Variants in KLHL29 observed in about 807,000 individuals in gnomAD.
KLHL29 encodes kelch-like protein 29.
KLHL29 carries 21 observed loss-of-function variants against 80.4 expected under a neutral mutation model. The observed-to-expected ratio is 0.26, with a 90% CI of 0.19 to 0.38. The LOEUF is 0.38. KLHL29 is among the 10% of genes least tolerant of loss of function. The pLI is 1.00. For missense variants in KLHL29, 867 were observed against 1,223.9 expected (o/e 0.71, Z 4.35); for synonymous variants, 511 against 526.8 (o/e 0.97, Z 0.41).
Position 23,596,278 on chromosome 2 carries a change from TGTA to T in KLHL29, c.285+33800_285+33802del, listed in dbSNP as rs1437634767. 1.3e-5 allele frequency among the ~76,000 whole-genome samples: 2 copies of T among 152,090 alleles called. No homozygotes were observed. Among genetic ancestry groups the T allele is most frequent in the African/African-American group, 4.8e-5 (2 of 41,422 alleles). On this transcript the variant is annotated intron_variant, in intron 3 of 13. Transcript: ENST00000486442. This position sits in a 1 kb window ranked among gnomAD's most constrained non-coding sequence, Gnocchi z 4.4. Reference sequence around the variant, plus strand: ...CTTAGGGTTGTTGGCAGATTAAAAATGTAGTGGATTTAAATCATGCCCACCTCA... The same window carrying T: ...CTTAGGGTTGTTGGCAGATTAAAAATGTGGATTTAAATCATGCCCACCTCA...
intron 6 of KLHL29, among the ~76,000 whole-genome samples, chr2:23,688,597 A>AC (rs1399390935): frequency 6.6e-6 from 1 of 151,660 alleles, no homozygotes; most frequent in Non-Finnish European, 1.5e-5. Context: ...TCTCCTGGGC[A>AC]CCCCCACGCC....
At position 23,385,560 on chromosome 2, in the gene KLHL29, C is replaced by A; in HGVS notation, c.-374C>A. 5.8e-6 allele frequency: 1 copy of A among 171,356 alleles called. No individual in the cohort carries two copies. Among genetic ancestry groups the A allele is most frequent in the Non-Finnish European group, 1.4e-5 (1 of 71,468 alleles). The allele number at this position is 171,356 out of a possible 1,614,324, so 10.6% of individuals were successfully genotyped here. On this transcript the variant is annotated 5_prime_UTR_variant, in exon 1 of 14. Coordinates refer to ENST00000486442, the MANE Select transcript of KLHL29 (RefSeq NM_052920.2). The stretch of plus-strand genomic sequence containing the variant: ...TCTCCCGGGCATCCTCCCTGGGCTG[C>A]CGGGAGGCGGCGGCGGCGGAGGAGG...
At chr2:23,699,654 C>T (rs1672232290) in intron 11 of KLHL29, among the ~76,000 whole-genome samples, 1 of 152,226 alleles carries the variant, frequency 6.6e-6, no homozygotes, top group Non-Finnish European at 1.5e-5. Context: ...CTGCACCCCA[C>T]ATCAGCAGAT....
intron 3 of KLHL29, among the ~76,000 whole-genome samples, chr2:23,568,946 G>A (rs1667652382): frequency 1.3e-5 from 2 of 152,230 alleles, no homozygotes. Flanking sequence ...ACTGGCTAAT[G>A]AGGTTTAAAA....
intron 2 of KLHL29, among the ~76,000 whole-genome samples, chr2:23,500,475 C>T (rs1665407635): frequency 6.6e-6 from 1 of 152,176 alleles, no homozygotes; most frequent in African/African-American, 2.4e-5. Context: ...GAAGTCAAGA[C>T]CAATGTTAGG....
chr2:23,567,657 G>A (rs1667622751), intron 3 of KLHL29, among the ~76,000 whole-genome samples: 1 of 152,250 alleles, frequency 6.6e-6, no homozygotes, highest in Non-Finnish European at 1.5e-5. Context: ...CAGGGCCAAT[G>A]TGGCAGCCCC....
chr2:23,436,827 A>C (rs1663359072), intron 1 of KLHL29, among the ~76,000 whole-genome samples: 1 of 152,210 alleles, frequency 6.6e-6, no homozygotes, highest in Admixed American at 6.5e-5. Context: ...AATTAAAGAG[A>C]TGCCTTAGAC....
chr2:23,652,950 C>T (rs138461368), intron 5 of KLHL29, among the ~76,000 whole-genome samples: 187 of 152,190 alleles, frequency 1.2e-3, no homozygotes, highest in Admixed American at 3.7e-3. Flanking sequence ...TGGGAGCAAG[C>T]GAACTTTCTG....
At chr2:23,615,299 C>CA (rs1438068398) in intron 3 of KLHL29, among the ~76,000 whole-genome samples, 3 of 152,222 alleles carry the variant, frequency 2.0e-5, no homozygotes, top group Non-Finnish European at 4.4e-5. Context: ...GCCTCACTCT[C>CA]ACGTCCATTT....
At chr2:23,597,020 T>G (rs1668422986) in intron 3 of KLHL29, among the ~76,000 whole-genome samples, 1 of 152,140 alleles carries the variant, frequency 6.6e-6, no homozygotes, top group African/African-American at 2.4e-5. Context: ...CAGAGCTGGA[T>G]CGCTTGCTGC....
At chr2:23,593,894 C>A (rs960825054) in intron 3 of KLHL29, among the ~76,000 whole-genome samples, 1 of 152,212 alleles carries the variant, frequency 6.6e-6, no homozygotes, top group African/African-American at 2.4e-5. Flanking sequence ...TGTCCACAAG[C>A]TTTTCCTTCA....
At chr2:23,697,555 A>AATT (rs1478139190) in intron 11 of KLHL29, 3 of 152,146 alleles carry the variant, frequency 2.0e-5, no homozygotes, top group Non-Finnish European at 2.9e-5. Context: ...CATACCCCTC[A>AATT]ATTTGTATTT....
chr2:23,642,187 C>A, intron 4 of KLHL29, 151 bp from the exon 5 acceptor site: 1 of 694,662 alleles, frequency 1.4e-6, no homozygotes, highest in Non-Finnish European at 2.1e-6. Context: ...TCCTGGGCTG[C>A]CATGATCACA....
intron 1 of KLHL29, among the ~76,000 whole-genome samples, chr2:23,441,699 GGCTGTTGACTGGGAACTCAACTGCT>G (rs1283828801): frequency 6.6e-6 from 1 of 152,146 alleles, no homozygotes; most frequent in African/African-American, 2.4e-5. Context: ...AGTTGGAGCT[GGCTGTTGACTGGGAACTCAACTGCT>G]GCTGTTGACC....
At chr2:23,627,319 G>A (rs1467679137) in intron 3 of KLHL29, among the ~76,000 whole-genome samples, 2 of 152,204 alleles carry the variant, frequency 1.3e-5, no homozygotes, top group Non-Finnish European at 2.9e-5. Context: ...ACGCCCTCAG[G>A]ATCCTGCCTG....
chr2:23,696,186 T>C lies in KLHL29; in HGVS notation c.1924+53T>C. 6.6e-7 allele frequency: 1 copy of C among 1,519,892 alleles called. No individual in the cohort carries two copies. The highest frequency in any genetic ancestry group is 8.9e-7 in the Non-Finnish European group (1 of 1,124,666). The allele number at this position is 1,519,892 out of a possible 1,614,324, so 94.2% of individuals were successfully genotyped here. ...CCAGGCATGGGGGTCCCAAGGGGACTGCTCCCCACGTCAGGGCTGAGGAAG... is the reference window on the plus strand; with the variant it reads ...CCAGGCATGGGGGTCCCAAGGGGACCGCTCCCCACGTCAGGGCTGAGGAAG... On this transcript the variant is annotated intron_variant, in intron 10 of 13. Coordinates refer to ENST00000486442, the MANE Select transcript of KLHL29 (RefSeq NM_052920.2). This position sits in a 1 kb window ranked among gnomAD's most constrained non-coding sequence, Gnocchi z 5.5.
chr2:23,630,278 GA>G (rs2149149263), intron 3 of KLHL29, among the ~76,000 whole-genome samples: 1 of 152,288 alleles, frequency 6.6e-6, no homozygotes, highest in South Asian at 2.1e-4. Flanking sequence ...GGCACCTAGG[GA>G]GGGCTTTAGT....
chr2:23,616,874 T>A (rs1276298152), intron 3 of KLHL29: 1 of 152,182 alleles, frequency 6.6e-6, no homozygotes, highest in Non-Finnish European at 1.5e-5. Context: ...GAAGAACACA[T>A]GGAGATTCTG....
intron 1 of KLHL29, among the ~76,000 whole-genome samples, chr2:23,447,954 G>A (rs1187565484): frequency 6.6e-6 from 1 of 152,132 alleles, no homozygotes; most frequent in South Asian, 2.1e-4. Flanking sequence ...AAGGGATTAT[G>A]AGCCTGGAGG....
Sources: gnomAD v4.1 joint callset for allele counts (sites outside exome capture counted in the v4.1 genomes callset) on GRCh38, gnomAD v4.1.1 for gene constraint, Gnocchi (gnomAD v3.1) non-coding constraint, MANE v1.5 for transcripts, NCBI Gene and HGNC (gene_info 2026-07-23, HGNC 2026-07-21) for gene names.